The following GBF1 variants were observed in gnomAD, a reference collection of about 807,000 sequenced individuals.
The protein encoded by GBF1 is golgi brefeldin A resistant guanine nucleotide exchange factor 1, also known as Golgi-specific brefeldin A-resistance guanine nucleotide exchange factor 1.
GBF1 carries 114 observed loss-of-function variants against 210.5 expected under a neutral mutation model. The observed-to-expected ratio is 0.54, with a 90% CI of 0.47 to 0.63. The LOEUF is 0.63. Among genes scored for constraint, GBF1 ranks in the 30% least tolerant of loss-of-function variants. The pLI is 0.00. For missense variants in GBF1, 1,851 were observed against 2,357.7 expected (o/e 0.79, Z 4.45); for synonymous variants, 850 against 889.2 (o/e 0.96, Z 0.78).
intron 3 of GBF1, among the ~76,000 whole-genome samples, chr10:102,300,036 GTA>G (rs1424100837): frequency 6.6e-6 from 1 of 152,204 alleles, no homozygotes; most frequent in East Asian, 1.9e-4. Flanking sequence ...GTCAGGTGGA[GTA>G]TGTTTTCACA....
chr10:102,255,081 C>T (rs1247579952), intron 1 of GBF1, among the ~76,000 whole-genome samples: 1 of 152,100 alleles, frequency 6.6e-6, no homozygotes, highest in East Asian at 1.9e-4. Context: ...CACTCTGTTG[C>T]CCAGGTTGGA....
intron 39 of GBF1, 125 bp from the exon 40 acceptor site, chr10:102,381,931 G>A (rs933182863): frequency 1.6e-5 from 11 of 685,270 alleles, no homozygotes; most frequent in Non-Finnish European, 2.3e-5. Flanking sequence ...TTAGGCTGGT[G>A]GGGGGCCGTG....
At chr10:102,360,843 C>T (rs1303313083) in intron 12 of GBF1, among the ~76,000 whole-genome samples, 179 bp from the exon 13 acceptor site, 1 of 152,058 alleles carries the variant, frequency 6.6e-6, no homozygotes, top group Non-Finnish European at 1.5e-5. Context: ...GGCATGGTGA[C>T]GTGCGCCTGT....
At chr10:102,324,786 C>T (rs1314690173) in intron 3 of GBF1, among the ~76,000 whole-genome samples, 1 of 151,810 alleles carries the variant, frequency 6.6e-6, no homozygotes, top group Non-Finnish European at 1.5e-5. Context: ...CAGGGTTTCA[C>T]CATGTTGGCC....
intron 3 of GBF1, among the ~76,000 whole-genome samples, chr10:102,267,368 G>A (rs997815736): frequency 3.5e-4 from 53 of 152,238 alleles, no homozygotes; most frequent in African/African-American, 1.1e-3. Flanking sequence ...AGCCAGGTGC[G>A]GTGGCGCATG....
At position 102,361,831 on chromosome 10, in the gene GBF1, T is replaced by C; in HGVS notation, c.1605T>C (p.Phe535=). Residue 535 remains phenylalanine, a synonymous_variant, in exon 14 of 40, where the codon TTT becomes TTC. Transcript: ENST00000369983. ...AIVQLWRIPS[F]VTELYINYDC... ...TGCAGCTCTGGCGCATCCCCAGCTT[T>C]GTCACAGAGCTCTACATCAACTATG... The C allele has an allele frequency of 6.2e-7, 1 of 1,613,962 alleles. No individual in the cohort carries two copies. Among genetic ancestry groups the C allele is most frequent in the Non-Finnish European group, 8.5e-7 (1 of 1,179,926 alleles).
intron 8 of GBF1, among the ~76,000 whole-genome samples, chr10:102,357,452 A>C (rs1446398667): frequency 2.7e-5 from 4 of 150,372 alleles, no homozygotes; most frequent in Non-Finnish European, 5.9e-5. Flanking sequence ...GTGCCACTGC[A>C]CTCCAGCCTG....
rs75953562 is a variant in GBF1 at position 102,329,357 on chromosome 10, T to A, written c.164-14694T>A. On this transcript the variant is annotated intron_variant, in intron 3 of 39. Coordinates refer to ENST00000369983, the MANE Select transcript of GBF1 (RefSeq NM_001377137.1). ...ACCTAGGTAAACCTGACACTTAATT[T>A]GTATGGCAGTACTACAAGCAATAAC... is the stretch of plus-strand genomic sequence containing the variant. Among the ~76,000 whole-genome samples the A allele has an allele frequency of 6.2e-3, 948 of 152,316 alleles. 6 individuals are homozygous for A. Among genetic ancestry groups the A allele is most frequent in the African/African-American group, 0.02 (818 of 41,580 alleles).
chr10:102,258,962 C>A lies in GBF1; in HGVS notation c.24C>A (p.Ile8=), dbSNP rs140374322. The A allele has an allele frequency of 1.8e-5, 28 of 1,599,944 alleles. No individual in the cohort carries two copies. The highest frequency in any genetic ancestry group is 1.5e-4 in the South Asian group (14 of 90,816). The part of the protein sequence containing the change: MVDKNIY[I]IQGEINIVVG... ...AGATGGTGGATAAGAATATTTACAT[C>A]ATTCAAGGGGAGATTAACATTGTGG... Residue 8 remains isoleucine (I), a synonymous_variant, in exon 2 of 40, where the codon ATC becomes ATA. Coordinates refer to ENST00000369983, the MANE Select transcript of GBF1 (RefSeq NM_001377137.1).
At chr10:102,304,780 A>G (rs372890453) in intron 3 of GBF1, among the ~76,000 whole-genome samples, 24 of 152,108 alleles carry the variant, frequency 1.6e-4, no homozygotes, top group East Asian at 1.2e-3. Flanking sequence ...TCTCAAAAAA[A>G]AAAGAAAGAA....
At chr10:102,293,767 T>TTTTTTTTTTTTTTTTTTTA (rs2076655648) in intron 3 of GBF1, among the ~76,000 whole-genome samples, 1 of 28,920 alleles carries the variant, frequency 3.5e-5, no homozygotes, top group Non-Finnish European at 6.8e-5. Flanking sequence ...GTAGTATGTT[T>TTTTTTTTTTTTTTTTTTTA]TGTGTTTTTT....
chr10:102,340,234 C>T (rs2058080607), intron 3 of GBF1, among the ~76,000 whole-genome samples: 2 of 147,240 alleles, frequency 1.4e-5, no homozygotes, highest in South Asian at 4.3e-4. Context: ...GGATTATAGG[C>T]ATGAGGCATG....
chr10:102,242,223 A>G (rs1322455163), upstream of GBF1, among the ~76,000 whole-genome samples: 1 of 152,198 alleles, frequency 6.6e-6, no homozygotes, highest in African/African-American at 2.4e-5. Context: ...GATACAAACC[A>G]AAGTAGTATT....
chr10:102,358,073 C>G lies in GBF1; in HGVS notation c.674C>G (p.Ser225Cys), dbSNP rs1565153543. Residue 225 changes from serine to cysteine, a missense_variant, in exon 9 of 40, where the codon TCC (serine) becomes TGC (cysteine). This residue lies in a region of GBF1 where 804 missense variants were observed against 958.6 expected (regional missense o/e 0.84). Coordinates refer to ENST00000369983, the MANE Select transcript of GBF1 (RefSeq NM_001377137.1). ...AGAGCCGGAGGCATGAGTGATTCAT[C>G]CAAATGGAAGAAACAGAAGAGATCC... ...KMRAGGMSDS[S>C]KWKKQKRSPR... 1 of 1,609,140 alleles carries G rather than the reference C, an allele frequency of 6.2e-7. No homozygotes were observed. The highest frequency in any genetic ancestry group is 8.5e-7 in the Non-Finnish European group (1 of 1,175,506).
In GBF1 at chr10:102,368,722, G is replaced by C. The variant is rs753772841; in HGVS notation, c.2880-17G>C. 4 of 1,581,190 alleles carry C rather than the reference G, an allele frequency of 2.5e-6. No individual in the cohort carries two copies. The African/African-American group carries it at 4.0e-5, about 16-fold the overall frequency. The stretch of plus-strand genomic sequence containing the variant: ...CTTCCAGTGACTCTGTTTCTGGGAT[G>C]GGGGGTAACATTACAGGAAGTGCGC... On this transcript the variant is annotated splice_polypyrimidine_tract_variant and intron_variant, in intron 22 of 39. Coordinates refer to ENST00000369983, the MANE Select transcript of GBF1 (RefSeq NM_001377137.1).
intron 3 of GBF1, among the ~76,000 whole-genome samples, chr10:102,318,117 C>T (rs984121938): frequency 2.6e-5 from 4 of 152,006 alleles, no homozygotes; most frequent in South Asian, 2.1e-4. Context: ...ACCGTGGTCT[C>T]GATCTCCTGA....
chr10:102,367,426 G>A (rs1259600411), intron 20 of GBF1, 52 bp from the exon 21 acceptor site: 7 of 1,261,416 alleles, frequency 5.5e-6, no homozygotes, highest in African/African-American at 1.5e-5. Context: ...AGTTCCTTAG[G>A]TGGGGCTTCA....
intron 3 of GBF1, among the ~76,000 whole-genome samples, chr10:102,316,356 G>A (rs574192526): frequency 1.2e-3 from 176 of 152,160 alleles, no homozygotes; most frequent in African/African-American, 3.8e-3. Context: ...CAAAGCGCTG[G>A]GATTTACAGG....
At chr10:102,281,882 C>G (rs2075516504) in intron 3 of GBF1, among the ~76,000 whole-genome samples, 1 of 151,336 alleles carries the variant, frequency 6.6e-6, no homozygotes, top group African/African-American at 2.4e-5. Context: ...TTCCACTTGG[C>G]TGTAACAGTT....
Sources: gnomAD v4.1 joint callset for allele counts (sites outside exome capture counted in the v4.1 genomes callset) on GRCh38, gnomAD v4.1.1 for gene constraint, gnomAD v4.1.1 regional missense constraint, MANE v1.5 for transcripts, NCBI Gene and HGNC (gene_info 2026-07-23, HGNC 2026-07-21) for gene names.